Variants in SS18 observed in about 807,000 individuals in gnomAD.
SS18 encodes the protein SS18 subunit of BAF chromatin remodeling complex.
A neutral mutation model predicts 72.5 loss-of-function variants in SS18; 28 were observed. The ratio of observed to expected loss-of-function variants is 0.39; its 90% CI spans 0.29 to 0.53. The LOEUF (loss-of-function observed/expected upper bound fraction) is 0.53. SS18 is among the 20% of genes least tolerant of loss of function. SS18 has a pLI of 0.76. For missense variants in SS18, 518 were observed against 535.3 expected, an observed-to-expected ratio of 0.97 and a Z score of 0.32; for synonymous variants, 172 against 164.2, an observed-to-expected ratio of 1.05 and a Z score of -0.37.
intron 2 of SS18, among the ~76,000 whole-genome samples, chr18:26,080,934 T>G (rs1399095229): frequency 1.3e-5 from 2 of 152,080 alleles, no homozygotes; most frequent in Non-Finnish European, 2.9e-5. Context: ...AAATTAACAT[T>G]GATATATCAT....
intron 3 of SS18, among the ~76,000 whole-genome samples, chr18:26,066,532 A>G (rs892157316): frequency 2.4e-4 from 37 of 151,972 alleles, no homozygotes; most frequent in African/African-American, 8.7e-4. Flanking sequence ...TCAAAGGGAC[A>G]GTCTTTCAGT....
At chr18:26,022,284 C>T (rs989398738) in intron 10 of SS18, among the ~76,000 whole-genome samples, 1 of 151,964 alleles carries the variant, frequency 6.6e-6, no homozygotes, top group African/African-American at 2.4e-5. Flanking sequence ...TAAAAACAGA[C>T]AAAGCGATGC....
At chr18:26,031,985 A>AAAGGGATGAG (rs1203648856) in intron 10 of SS18, among the ~76,000 whole-genome samples, 1 of 152,160 alleles carries the variant, frequency 6.6e-6, no homozygotes, top group East Asian at 1.9e-4. Context: ...GTTGGGAAGA[A>AAAGGGATGAG]AAGGGATGAG....
intron 4 of SS18, among the ~76,000 whole-genome samples, chr18:26,056,827 G>A (rs1285068500): frequency 2.0e-5 from 3 of 151,906 alleles, no homozygotes; most frequent in Non-Finnish European, 4.4e-5. Context: ...CAAAAATTAC[G>A]GCCATGGGTT....
At chr18:26,020,218 C>T (rs190301450) in intron 10 of SS18, among the ~76,000 whole-genome samples, 1 of 152,242 alleles carries the variant, frequency 6.6e-6, no homozygotes, top group East Asian at 1.9e-4. Flanking sequence ...CTGTGAGACT[C>T]GGTTTCTTCA....
chr18:26,078,692 C>G (rs1218217754), intron 2 of SS18, among the ~76,000 whole-genome samples: 2 of 152,100 alleles, frequency 1.3e-5, no homozygotes, highest in East Asian at 3.8e-4. Context: ...TCAAGACCAG[C>G]CTGGCCAACA....
intron 10 of SS18, among the ~76,000 whole-genome samples, chr18:26,021,008 T>C (rs190521763): frequency 6.6e-6 from 1 of 152,160 alleles, no homozygotes; most frequent in East Asian, 1.9e-4. Flanking sequence ...CATCTATATA[T>C]AGTAAATATT....
Position 26,035,079 on chromosome 18 carries a change from G to A in SS18, c.1022C>T (p.Pro341Leu), listed in dbSNP as rs753839645. The change falls in exon 9 of 11, where the codon CCA becomes CTA. Residue 341 changes from proline (P) to leucine (L), a missense_variant. By Grantham distance (98) the Pro-to-Leu change is moderately conservative (BLOSUM62 -3). Transcript: ENST00000415083. This position sits in a 1 kb window ranked among gnomAD's most constrained non-coding sequence, Gnocchi z 4.4. Reference sequence around the variant, plus strand: ...CTGCTGGGGTGGATATCCCTGTTGTGGAGGTGGTCCCTGGTATGCATCTTG... The same window carrying A: ...CTGCTGGGGTGGATATCCCTGTTGTAGAGGTGGTCCCTGGTATGCATCTTG... ...QQQDAYQGPP[P>L]QQGYPPQQQQ... The A allele has an allele frequency of 6.2e-7, 1 of 1,613,536 alleles. No homozygotes were observed. Among genetic ancestry groups the A allele is most frequent in the East Asian group, 2.2e-5 (1 of 44,858 alleles).
At chr18:26,042,674 T>C (rs1328452724) in intron 5 of SS18, among the ~76,000 whole-genome samples, 1 of 151,226 alleles carries the variant, frequency 6.6e-6, no homozygotes, top group Admixed American at 6.6e-5. Context: ...GAAGAGTAAG[T>C]CAAGGATCAA....
At chr18:26,030,791 G>GA (rs1260155241) in intron 10 of SS18, among the ~76,000 whole-genome samples, 5 of 148,594 alleles carry the variant, frequency 3.4e-5, no homozygotes, top group Middle Eastern at 3.2e-3. Context: ...TCAGAGGCTA[G>GA]AAAAAAAAAT....
intron 4 of SS18, 135 bp downstream of exon 4, chr18:26,057,454 C>G: frequency 1.9e-6 from 2 of 1,031,836 alleles, no homozygotes; most frequent in Non-Finnish European, 2.9e-6. Context: ...CTGTAGCTAA[C>G]AAACTCTAAG....
chr18:26,045,022 G>A (rs1025955000), intron 5 of SS18, among the ~76,000 whole-genome samples: 6 of 152,182 alleles, frequency 3.9e-5, no homozygotes, highest in South Asian at 2.1e-4. Context: ...CAGCAAATCC[G>A]CTCTACCTTC....
intron 2 of SS18, among the ~76,000 whole-genome samples, chr18:26,079,998 C>T (rs905378712): frequency 1.3e-5 from 2 of 151,718 alleles, no homozygotes; most frequent in Middle Eastern, 3.2e-3. Context: ...CTTAAAATAA[C>T]GCTTTCACAA....
chr18:26,061,837 AGAG>A (rs1217175666), intron 3 of SS18, among the ~76,000 whole-genome samples: 5 of 152,226 alleles, frequency 3.3e-5, no homozygotes, highest in Admixed American at 2.6e-4. Flanking sequence ...GCATAGAACT[AGAG>A]GAGTTAGTTA....
chr18:26,032,317 TTAAA>T, intron 10 of SS18, 78 bp downstream of exon 10: 1 of 1,519,180 alleles, frequency 6.6e-7, no homozygotes, highest in Non-Finnish European at 9.0e-7. Flanking sequence ...AGGCTTCAAG[TTAAA>T]TAAATTTTAA....
chr18:26,025,152 G>A (rs2053424138), intron 10 of SS18, among the ~76,000 whole-genome samples: 1 of 152,082 alleles, frequency 6.6e-6, no homozygotes, highest in Admixed American at 6.6e-5. Flanking sequence ...CTTCTGATGT[G>A]TTGTGGGTCA....
intron 2 of SS18, chr18:26,081,325 G>A (rs541682355): frequency 6.6e-6 from 1 of 152,332 alleles, no homozygotes; most frequent in South Asian, 2.1e-4. Context: ...CAAGCAGTTG[G>A]GATTACAGGT....
intron 10 of SS18, among the ~76,000 whole-genome samples, 188 bp from the exon 11 acceptor site, chr18:26,018,568 T>G (rs984423498): frequency 1.3e-5 from 2 of 152,208 alleles, no homozygotes; most frequent in African/African-American, 4.8e-5. Context: ...TATATTCAAT[T>G]GCAAATGAAT....
chr18:26,052,677 T>G lies in SS18; in HGVS notation c.554A>C (p.Gln185Pro). ...TCTGGGACCATAGTTTCCCATTGGT[T>G]GTCCCTGACTCATTGTCATCTGATT... Reference protein sequence around the residue: ...VQNQMTMSQGQPMGNYGPRPN... With the variant: ...VQNQMTMSQGPPMGNYGPRPN... The change falls in exon 5 of 11, where the codon CAA (glutamine) becomes CCA (proline). Residue 185 changes from glutamine (Q) to proline (P), a missense_variant. Coordinates refer to ENST00000415083, the MANE Select transcript of SS18 (RefSeq NM_001007559.3). The G allele has an allele frequency of 1.9e-6, 3 of 1,614,150 alleles. No individual in the cohort carries two copies. In the South Asian group the frequency reaches 3.3e-5, roughly 18 times the overall value.
Sources: allele counts gnomAD v4.1 joint callset (sites outside exome capture counted in the v4.1 genomes callset), GRCh38; gene constraint gnomAD v4.1.1; non-coding constraint Gnocchi (gnomAD v3.1); transcripts MANE v1.5; gene names NCBI Gene and HGNC (gene_info 2026-07-23, HGNC 2026-07-21).